The following PRKCA variants were observed in gnomAD, a reference collection of about 807,000 sequenced individuals.
PRKCA encodes the protein protein kinase C alpha, also known as protein kinase C alpha type.
Under a neutral mutation model 87.0 loss-of-function variants are expected in PRKCA, and 27 were observed. That is an observed-to-expected ratio of 0.31 (90% confidence interval 0.23 to 0.43). The LOEUF is 0.43. Among genes scored for constraint, PRKCA ranks in the 20% least tolerant of loss-of-function variants. The pLI is 1.00. For synonymous variants in PRKCA, 329 were observed against 311.1 expected (o/e 1.06, Z -0.61); for missense variants, 518 against 852.3 (o/e 0.61, Z 4.88).
chr17:66,720,497 C>T (rs1356788261), intron 8 of PRKCA, among the ~76,000 whole-genome samples: 2 of 152,206 alleles, frequency 1.3e-5, no homozygotes, highest in African/African-American at 4.8e-5. Context: ...CGTGAAAACC[C>T]TCAGTTCCTT....
intron 3 of PRKCA, among the ~76,000 whole-genome samples, chr17:66,588,635 CTTTTTTTTT>C (rs397856363): frequency 7.7e-5 from 3 of 39,110 alleles, no homozygotes; most frequent in Non-Finnish European, 1.3e-4. Context: ...TTTTGCTTTG[CTTTTTTTTT>C]TTTTTTTTTT....
At position 66,677,094 on chromosome 17, in the gene PRKCA, T is replaced by TATTTATTTATTTATTTATTTATTG. The variant is rs1251679534; in HGVS notation, c.530-10014_530-10013insTATTTATTTATTTATTTATTGATT. 9 of 152,136 alleles carry TATTTATTTATTTATTTATTTATTG rather than the reference T, an allele frequency of 5.9e-5. No homozygotes were observed. The East Asian group carries it at 1.8e-3, about 30-fold the overall frequency. 9.4% of individuals were successfully genotyped at this position (152,136 alleles called of 1,614,324 possible). On this transcript the variant is annotated intron_variant, in intron 5 of 16. Transcript: ENST00000413366. ...GCTTATTTTTATTTATTTATTTATT[T>TATTTATTTATTTATTTATTTATTG]ATTGAGACTGAGTCTCGCTCTGTCG... is the stretch of plus-strand genomic sequence containing the variant.
At chr17:66,595,292 C>T (rs1160932480) in intron 3 of PRKCA, among the ~76,000 whole-genome samples, 4 of 151,992 alleles carry the variant, frequency 2.6e-5, no homozygotes, top group African/African-American at 9.7e-5. Context: ...CTTGGCCCCC[C>T]AAAATGCTAG....
intron 14 of PRKCA, 150 bp downstream of exon 14, chr17:66,774,217 C>G (rs2144337036): frequency 6.6e-7 from 1 of 1,511,528 alleles, no homozygotes; most frequent in Admixed American, 2.0e-5. Context: ...GAGAAACGCC[C>G]CCTTCAAAGT....
chr17:66,530,857 A>T (rs1206046114), intron 3 of PRKCA, among the ~76,000 whole-genome samples: 3 of 132,560 alleles, frequency 2.3e-5, no homozygotes, highest in African/African-American at 7.8e-5. Flanking sequence ...TGGAGGATCT[A>T]AAAAAAAAAT....
chr17:66,505,067 C>T lies in PRKCA; in HGVS notation c.288+8784C>T, dbSNP rs373670558. 7.2e-5 allele frequency among the ~76,000 whole-genome samples: 11 copies of T among 152,122 alleles called. No individual in the cohort carries two copies. In the East Asian group the frequency reaches 9.6e-4, roughly 13 times the overall value. ...AGGAAACCTTAAAAAGAAGTTATTT[C>T]GGGGAAACACACCCAACAAAAAAAC... On this transcript the variant is annotated intron_variant, in intron 3 of 16. Coordinates refer to ENST00000413366, the MANE Select transcript of PRKCA (RefSeq NM_002737.3).
chr17:66,524,164 C>T (rs929489801), intron 3 of PRKCA, among the ~76,000 whole-genome samples: 2 of 152,148 alleles, frequency 1.3e-5, no homozygotes, highest in Non-Finnish European at 2.9e-5. Context: ...CTCCAACATT[C>T]AACAAAAACA....
intron 16 of PRKCA, among the ~76,000 whole-genome samples, chr17:66,794,067 T>C (rs1465167435): frequency 2.0e-5 from 3 of 152,228 alleles, no homozygotes; most frequent in Admixed American, 6.5e-5. Context: ...AGCTAGTTCA[T>C]AGGCAAGCCA....
chr17:66,420,313 G>A (rs964017979), intron 2 of PRKCA, among the ~76,000 whole-genome samples: 1 of 152,068 alleles, frequency 6.6e-6, no homozygotes, highest in Non-Finnish European at 1.5e-5. Context: ...CTGGCCAGGG[G>A]ACATGTTCTT....
At chr17:66,548,248 T>C (rs1272462718) in intron 3 of PRKCA, among the ~76,000 whole-genome samples, 5 of 152,136 alleles carry the variant, frequency 3.3e-5, no homozygotes, top group African/African-American at 9.7e-5. Flanking sequence ...ACTGAGATGA[T>C]GGTGAAGGCC....
At chr17:66,303,387 G>A (rs1476460029) in intron 1 of PRKCA, among the ~76,000 whole-genome samples, 1 of 152,168 alleles carries the variant, frequency 6.6e-6, no homozygotes, top group Non-Finnish European at 1.5e-5. Flanking sequence ...GAGGAGGAGA[G>A]GCCCTAAGGG....
intron 2 of PRKCA, among the ~76,000 whole-genome samples, chr17:66,463,382 G>GT (rs58154764): frequency 0.18 from 26,310 of 146,406 alleles, 2,539 homozygotes; most frequent in East Asian, 0.27. Flanking sequence ...TTGATTCTGT[G>GT]TTTTTTTTTT....
At chr17:66,682,374 G>T (rs1352510028) in intron 5 of PRKCA, among the ~76,000 whole-genome samples, 1 of 152,252 alleles carries the variant, frequency 6.6e-6, no homozygotes, top group Admixed American at 6.5e-5. Context: ...TAAAGTTCTG[G>T]AATTACAGAA....
chr17:66,649,046 C>T (rs986584855), intron 5 of PRKCA, among the ~76,000 whole-genome samples: 2 of 149,660 alleles, frequency 1.3e-5, no homozygotes, highest in African/African-American at 2.5e-5. Context: ...GCAATGAGCC[C>T]GAGATTGTGC....
At chr17:66,583,936 G>A (rs893977686) in intron 3 of PRKCA, among the ~76,000 whole-genome samples, 1 of 152,146 alleles carries the variant, frequency 6.6e-6, no homozygotes, top group African/African-American at 2.4e-5. Context: ...CTGGTAACAC[G>A]TCTCTGAAAA....
rs182921008 is a variant in PRKCA at position 66,675,213 on chromosome 17, C to T, written c.530-11898C>T. ...CAGTGGCTAGAGAGGGCCCATTTGC[C>T]GACAGCCCCACATCCTCACACGGTG... is the stretch of plus-strand genomic sequence containing the variant. On this transcript the variant is annotated intron_variant, in intron 5 of 16. Coordinates refer to ENST00000413366, the MANE Select transcript of PRKCA (RefSeq NM_002737.3). 4.1e-3 allele frequency among the ~76,000 whole-genome samples: 623 copies of T among 152,316 alleles called. 5 individuals carry two copies. Among genetic ancestry groups the T allele is most frequent in the African/African-American group, 0.014 (579 of 41,574 alleles).
intron 2 of PRKCA, among the ~76,000 whole-genome samples, chr17:66,308,790 C>T (rs765976980): frequency 6.6e-6 from 1 of 152,052 alleles, no homozygotes. Context: ...ATATAGTTAC[C>T]CAGCATTTTC....
chr17:66,747,526 G>T (rs1473022558), intron 13 of PRKCA, among the ~76,000 whole-genome samples: 1 of 152,224 alleles, frequency 6.6e-6, no homozygotes, highest in East Asian at 1.9e-4. Flanking sequence ...CCACATGTTA[G>T]TATGAGTAGA....
intron 2 of PRKCA, among the ~76,000 whole-genome samples, chr17:66,495,146 T>A (rs1916416575): frequency 6.6e-6 from 1 of 151,996 alleles, no homozygotes; most frequent in South Asian, 2.1e-4. Context: ...CTATAACAGT[T>A]ATTTTGTTGA....
Sources: gnomAD v4.1 joint callset for allele counts (sites outside exome capture counted in the v4.1 genomes callset) on GRCh38, gnomAD v4.1.1 for gene constraint, MANE v1.5 for transcripts, NCBI Gene and HGNC (gene_info 2026-07-23, HGNC 2026-07-21) for gene names.